The following TFEB variants were observed in gnomAD, a reference collection of about 807,000 sequenced individuals.
The protein encoded by TFEB is transcription factor EB.
TFEB carries 12 observed loss-of-function variants against 48.0 expected under a neutral mutation model. The observed-to-expected ratio is 0.25, with a 90% confidence interval of 0.16 to 0.40. The LOEUF (loss-of-function observed/expected upper bound fraction) is 0.40, where lower values mean the gene tolerates loss of function less well. Ranked by LOEUF, TFEB falls within the 10% of genes least tolerant of loss-of-function variation. The probability of loss-of-function intolerance (pLI) is 1.00; values close to 1 mark genes in which losing one functional copy is unlikely to be tolerated. For missense variants in TFEB, 509 were observed against 640.3 expected, an observed-to-expected ratio of 0.79 and a Z score of 2.21; for synonymous variants, 244 against 261.4, an observed-to-expected ratio of 0.93 and a Z score of 0.64.
At chr6:41,726,037 A>T (rs1771193703) in intron 1 of TFEB, among the ~76,000 whole-genome samples, 3 of 152,320 alleles carry the variant, frequency 2.0e-5, no homozygotes, top group Admixed American at 1.3e-4. Flanking sequence ...TGAGCTGGGG[A>T]GGTGGAGGTT....
In TFEB at chr6:41,713,488, C is replaced by T. The variant is rs75890643; in HGVS notation, c.-23+21862G>A. ...TGATCCCCTCCGGTCCCTACGCTGACTCACTCTTATAGCTGTAGGCATGGG... is the reference window on the plus strand; with the variant it reads ...TGATCCCCTCCGGTCCCTACGCTGATTCACTCTTATAGCTGTAGGCATGGG... On this transcript the variant is annotated intron_variant, in intron 1 of 8. Transcript: ENST00000373033. Among the ~76,000 whole-genome samples the T allele has an allele frequency of 9.1e-3, 1,391 of 152,314 alleles. 19 individuals carry two copies. Among genetic ancestry groups the T allele is most frequent in the African/African-American group, 0.032 (1,316 of 41,564 alleles).
rs1272850513 is a variant in TFEB at position 41,691,486 on chromosome 6, C to A, written c.-22-251G>T. 2 of 684,266 alleles carry A rather than the reference C, an allele frequency of 2.9e-6. No homozygotes were observed. The highest frequency in any genetic ancestry group is 5.4e-6 in the Non-Finnish European group (2 of 366,994). 42.4% of individuals were successfully genotyped at this position (684,266 alleles called of 1,614,324 possible). A position where few individuals can be genotyped will look rare whatever the true frequency, so the allele number is the denominator to read the frequency against. ...TCTTCACTCATTGCAGTTGGTAAATCCCAAACTCTAAGAGTCAACTTCCAC... is the reference window on the plus strand; with the variant it reads ...TCTTCACTCATTGCAGTTGGTAAATACCAAACTCTAAGAGTCAACTTCCAC... On this transcript the variant is annotated intron_variant, in intron 1 of 8. Transcript: ENST00000373033. This position sits in a 1 kb window ranked among gnomAD's most constrained non-coding sequence, Gnocchi z 5.2.
Position 41,689,739 on chromosome 6 carries a change from G to C in TFEB, c.541C>G (p.Pro181Ala). The C allele has an allele frequency of 6.2e-7, 1 of 1,613,948 alleles. No homozygotes were observed. Among genetic ancestry groups the C allele is most frequent in the Non-Finnish European group, 8.5e-7 (1 of 1,179,864 alleles). Residue 181 changes from proline to alanine, a missense_variant, in exon 4 of 9, where the codon CCC (proline) becomes GCC (alanine). By Grantham distance (27) the Pro-to-Ala change is conservative. This residue lies in a region of TFEB where 251 missense variants were observed against 317.2 expected (regional missense o/e 0.79). Transcript: ENST00000373033. ...ACCCTAGCCAGGAGTACCGTGTTGG[G>C]CATCTGCATTTCAGGATTGATGTAG... ...LGYINPEMQM[P>A]NTLPLSSSHL...
At chr6:41,727,462 G>T (rs1487973937) in intron 1 of TFEB, among the ~76,000 whole-genome samples, 1 of 152,138 alleles carries the variant, frequency 6.6e-6, no homozygotes, top group Admixed American at 6.5e-5. Context: ...AGGCCGAGGC[G>T]GCTGGATCAC....
In TFEB at chr6:41,725,062, C is replaced by T. The variant is rs148303489; in HGVS notation, c.-23+10288G>A. Among the ~76,000 whole-genome samples the T allele has an allele frequency of 5.4e-4, 83 of 152,348 alleles. 1 individual carries two copies. The highest frequency in any genetic ancestry group is 1.7e-3 in the African/African-American group (72 of 41,572). On this transcript the variant is annotated intron_variant, in intron 1 of 8. Coordinates refer to ENST00000373033, the MANE Select transcript of TFEB (RefSeq NM_001271944.2). ...GCCCCATGAAGGGGAAGGGCAGCAA[C>T]GCTTGCTATCCGTTTTTCAGATTCC... is the stretch of plus-strand genomic sequence containing the variant.
At chr6:41,714,727 C>G (rs1770658502) in intron 1 of TFEB, among the ~76,000 whole-genome samples, 1 of 152,172 alleles carries the variant, frequency 6.6e-6, no homozygotes, top group Non-Finnish European at 1.5e-5. Context: ...GCGCTGGAAG[C>G]TCTACCCTTG....
intron 1 of TFEB, among the ~76,000 whole-genome samples, chr6:41,725,807 C>A (rs2127271114): frequency 6.6e-6 from 1 of 152,314 alleles, no homozygotes. Context: ...CAGGATGAGA[C>A]ATGTTACACA....
chr6:41,702,725 C>T (rs965344193), intron 1 of TFEB, among the ~76,000 whole-genome samples: 8 of 152,224 alleles, frequency 5.3e-5, no homozygotes, highest in Non-Finnish European at 7.3e-5. Flanking sequence ...CTCTGACTCT[C>T]TGAGATGAGT....
intron 1 of TFEB, among the ~76,000 whole-genome samples, chr6:41,712,757 G>T (rs1353983928): frequency 1.3e-5 from 2 of 152,162 alleles, no homozygotes; most frequent in African/African-American, 4.8e-5. Flanking sequence ...TGTGCACCCA[G>T]CGTTACTCTG....
intron 1 of TFEB, among the ~76,000 whole-genome samples, chr6:41,717,469 A>C (rs1770787270): frequency 6.6e-6 from 1 of 152,216 alleles, no homozygotes. Flanking sequence ...AAACTCCAGA[A>C]GACAGACAAG....
upstream of TFEB, chr6:41,736,035 C>T (rs1334148841): frequency 1.1e-5 from 16 of 1,401,446 alleles, no homozygotes; most frequent in Non-Finnish European, 1.5e-5. Context: ...TTTATCCCTG[C>T]CCCGATCATA....
rs537812145 is a variant in TFEB, at chr6:41,691,352, G to A, written c.-22-117C>T. The A allele has an allele frequency of 2.7e-5, 28 of 1,039,740 alleles. No homozygotes were observed. Among genetic ancestry groups the A allele is most frequent in the South Asian group, 1.4e-4 (10 of 73,376 alleles). 64.4% of individuals were successfully genotyped at this position (1,039,740 alleles called of 1,614,324 possible). On this transcript the variant is annotated intron_variant, in intron 1 of 8. Transcript: ENST00000373033. The surrounding 1 kb of genome is among the most constrained non-coding windows in gnomAD (Gnocchi z 5.2). ...CATCCATTTTAGAGGAGAAGACACCGAGCCCTGAGAGGGGAAGAGATTTGC... is the reference window on the plus strand; with the variant it reads ...CATCCATTTTAGAGGAGAAGACACCAAGCCCTGAGAGGGGAAGAGATTTGC...
At position 41,718,346 on chromosome 6, in the gene TFEB, C is replaced by G. The variant is rs114952046; in HGVS notation, c.-23+17004G>C. On this transcript the variant is annotated intron_variant, in intron 1 of 8. Coordinates refer to ENST00000373033, the MANE Select transcript of TFEB (RefSeq NM_001271944.2). ...ACCTCAGCCTCTCCCATAGCTGGGACTACAGGCATGCATCATCACACCCGG... is the reference window on the plus strand; with the variant it reads ...ACCTCAGCCTCTCCCATAGCTGGGAGTACAGGCATGCATCATCACACCCGG... Among the ~76,000 whole-genome samples, 480 of 152,126 alleles carry G rather than the reference C, an allele frequency of 3.2e-3. 3 individuals are homozygous for G. The highest frequency in any genetic ancestry group is 0.011 in the African/African-American group (453 of 41,492).
rs1771579829 is a variant in TFEB, at chr6:41,734,329, G to C, written c.-23+1021C>G. ...CTTCCTCACCCGGGGCGCGGGGCTG[G>C]GGCGCGCCAGGCGGCTGCGGCGCGA... is the stretch of plus-strand genomic sequence containing the variant. On this transcript the variant is annotated intron_variant, in intron 1 of 8. Transcript: ENST00000373033. This position sits in a 1 kb window ranked among gnomAD's most constrained non-coding sequence, Gnocchi z 4.0. 3.0e-6 allele frequency: 3 copies of C among 984,450 alleles called. No homozygotes were observed. The highest frequency in any genetic ancestry group is 3.6e-6 in the Non-Finnish European group (3 of 829,334). The allele number at this position is 984,450 out of a possible 1,614,324, so 61.0% of individuals were successfully genotyped here.
intron 1 of TFEB, among the ~76,000 whole-genome samples, chr6:41,693,073 G>A (rs1012007960): frequency 6.6e-6 from 1 of 152,180 alleles, no homozygotes; most frequent in African/African-American, 2.4e-5. Flanking sequence ...AGACATGGAT[G>A]GGCACATGAC....
In TFEB at chr6:41,686,307, G is replaced by C; in HGVS notation, c.804-70C>G. ...GTGGCCAAATCCTTGCTACTGCTCT[G>C]GTTGCAGAGCTTATGTGGCCTGTCC... On this transcript the variant is annotated intron_variant, in intron 7 of 8. Coordinates refer to ENST00000373033, the MANE Select transcript of TFEB (RefSeq NM_001271944.2). 1.9e-6 allele frequency: 3 copies of C among 1,585,994 alleles called. No individual in the cohort carries two copies. The South Asian group carries it at 3.4e-5, about 18-fold the overall frequency.
At chr6:41,725,144 T>C (rs971842812) in intron 1 of TFEB, among the ~76,000 whole-genome samples, 2 of 152,228 alleles carry the variant, frequency 1.3e-5, no homozygotes, top group African/African-American at 4.8e-5. Flanking sequence ...GCAGCAAGTT[T>C]ATGGCAAATC....
chr6:41,699,729 A>G (rs1484728235), intron 1 of TFEB, among the ~76,000 whole-genome samples: 1 of 152,230 alleles, frequency 6.6e-6, no homozygotes, highest in African/African-American at 2.4e-5. Context: ...ATACAGAAAC[A>G]TAGCAAACCC....
chr6:41,694,893 G>A (rs1581888026), intron 1 of TFEB, among the ~76,000 whole-genome samples: 1 of 152,128 alleles, frequency 6.6e-6, no homozygotes, highest in East Asian at 1.9e-4. Flanking sequence ...CCTCCTGAGA[G>A]GAAGGGTTTG....
Sources: allele counts gnomAD v4.1 joint callset (sites outside exome capture counted in the v4.1 genomes callset), GRCh38; gene constraint gnomAD v4.1.1; regional missense constraint gnomAD v4.1.1; non-coding constraint Gnocchi (gnomAD v3.1); transcripts MANE v1.5; gene names NCBI Gene and HGNC (gene_info 2026-07-23, HGNC 2026-07-21).